Variants in RNF121 observed in about 807,000 individuals in gnomAD.
RNF121 encodes the protein ring finger protein 121, also known as E3 ubiquitin ligase RNF121.
A neutral mutation model predicts 46.5 loss-of-function variants in RNF121; 21 were observed. That is an observed-to-expected ratio of 0.45 (90% CI 0.32 to 0.65). RNF121 has a LOEUF of 0.65. Among genes scored for constraint, RNF121 ranks in the 30% least tolerant of loss-of-function variants. The pLI is 0.04. For missense variants in RNF121, 346 were observed against 416.0 expected (o/e 0.83, Z 1.46); for synonymous variants, 139 against 144.7 (o/e 0.96, Z 0.28).
rs1403228768 is a variant in RNF121 at position 71,957,276 on chromosome 11, A to G, written c.101+12A>G. The G allele has an allele frequency of 4.5e-6, 7 of 1,572,560 alleles. No homozygotes were observed. Among genetic ancestry groups the G allele is most frequent in the Non-Finnish European group, 6.1e-6 (7 of 1,143,214 alleles). Reference sequence around the variant, plus strand: ...GAAGAGCAATGGAGGTAAGTGTGGTAGTTCGGGCCCTGCAGTCTAGGAACT... The same window carrying G: ...GAAGAGCAATGGAGGTAAGTGTGGTGGTTCGGGCCCTGCAGTCTAGGAACT... On this transcript the variant is annotated intron_variant, in intron 2 of 8. Coordinates refer to ENST00000361756, the MANE Select transcript of RNF121 (RefSeq NM_018320.5).
chr11:71,939,977 G>A (rs1953527420), intron 1 of RNF121, among the ~76,000 whole-genome samples: 1 of 152,196 alleles, frequency 6.6e-6, no homozygotes, highest in Admixed American at 6.5e-5. Context: ...TACAGAAGAA[G>A]GAGTGCTTAA....
chr11:71,966,584 C>A (rs533178949), intron 3 of RNF121, among the ~76,000 whole-genome samples: 92 of 151,446 alleles, frequency 6.1e-4, no homozygotes, highest in African/African-American at 2.2e-3. Context: ...TGGGCCCAGG[C>A]AATCCTCCTG....
At chr11:71,965,479 G>A (rs1954254673) in intron 3 of RNF121, among the ~76,000 whole-genome samples, 1 of 151,974 alleles carries the variant, frequency 6.6e-6, no homozygotes, top group South Asian at 2.1e-4. Context: ...CTCCTGGGCT[G>A]AAGTGATCCA....
intron 3 of RNF121, among the ~76,000 whole-genome samples, chr11:71,968,136 A>G (rs1954330112): frequency 6.6e-6 from 1 of 151,724 alleles, no homozygotes; most frequent in Non-Finnish European, 1.5e-5. Flanking sequence ...CTCTCGGCTC[A>G]CTGCAACCTC....
chr11:71,946,145 C>A (rs115131624), intron 1 of RNF121, among the ~76,000 whole-genome samples: 1 of 151,700 alleles, frequency 6.6e-6, no homozygotes, highest in Non-Finnish European at 1.5e-5. Context: ...AAGAAAAATC[C>A]GCACAGAAAC....
intron 1 of RNF121, among the ~76,000 whole-genome samples, chr11:71,948,396 C>A (rs903698523): frequency 6.6e-6 from 1 of 151,214 alleles, no homozygotes; most frequent in Non-Finnish European, 1.5e-5. Flanking sequence ...GCACTTGTAG[C>A]CCCACCTACT....
intron 1 of RNF121, among the ~76,000 whole-genome samples, chr11:71,936,580 G>A (rs958780578): frequency 1.3e-5 from 2 of 151,982 alleles, no homozygotes; most frequent in Admixed American, 6.6e-5. Context: ...ATTTTTAGTA[G>A]AGACGGGGTT....
intron 2 of RNF121, among the ~76,000 whole-genome samples, chr11:71,957,690 A>G (rs950130765): frequency 6.6e-6 from 1 of 152,204 alleles, no homozygotes; most frequent in African/African-American, 2.4e-5. Context: ...GATGATTATC[A>G]TTAACATCAT....
intron 1 of RNF121, among the ~76,000 whole-genome samples, chr11:71,944,905 T>C (rs1953677550): frequency 6.6e-6 from 1 of 152,202 alleles, no homozygotes; most frequent in Non-Finnish European, 1.5e-5. Flanking sequence ...CTGTATGCTG[T>C]GTTAAGTTTG....
intron 4 of RNF121, 123 bp from the exon 5 acceptor site, chr11:71,986,881 C>G: frequency 1.6e-6 from 1 of 640,066 alleles, no homozygotes; most frequent in Non-Finnish European, 2.8e-6. Context: ...TGAAGTTGCT[C>G]AGTAAGTCCT....
chr11:71,979,758 G>A (rs762190743), intron 3 of RNF121, among the ~76,000 whole-genome samples: 3 of 152,168 alleles, frequency 2.0e-5, no homozygotes, highest in Admixed American at 6.5e-5. Flanking sequence ...GGATCTTAGC[G>A]CAGGCTGGTT....
At chr11:71,977,470 C>T (rs981567187) in intron 3 of RNF121, among the ~76,000 whole-genome samples, 10 of 152,278 alleles carry the variant, frequency 6.6e-5, no homozygotes, top group East Asian at 3.9e-4. Context: ...AGAGGCAATC[C>T]GTTTAAATGT....
chr11:71,988,799 G>C (rs116603454), intron 5 of RNF121, among the ~76,000 whole-genome samples: 3,868 of 152,166 alleles, frequency 0.025, 159 homozygotes, highest in African/African-American at 0.089. Context: ...TCCAGCTCAG[G>C]TGACAAAGGG....
Position 71,951,583 on chromosome 11 carries a change from G to A in RNF121, c.64-5644G>A, listed in dbSNP as rs988566525. Among the ~76,000 whole-genome samples the A allele has an allele frequency of 2.0e-5, 3 of 150,368 alleles. No homozygotes were observed. The East Asian group carries it at 5.9e-4, about 29-fold the overall frequency. On this transcript the variant is annotated intron_variant, in intron 1 of 8. Transcript: ENST00000361756. ...TGAGGCTCTAATGTACAATGATCAT[G>A]CCTGTGAATAGCCACTGTACTCCAG...
chr11:71,977,785 C>T (rs1448221751), intron 3 of RNF121, among the ~76,000 whole-genome samples: 1 of 152,174 alleles, frequency 6.6e-6, no homozygotes, highest in Non-Finnish European at 1.5e-5. Context: ...TTCCCATGTC[C>T]GTACTTGATG....
chr11:71,983,836 A>G (rs1453762451), intron 4 of RNF121: 2 of 152,298 alleles, frequency 1.3e-5, no homozygotes, highest in African/African-American at 4.8e-5. Flanking sequence ...CAAAGCTGTG[A>G]CCACCTGATC....
chr11:71,929,323 C>G (rs1010281149), intron 1 of RNF121, among the ~76,000 whole-genome samples, 199 bp downstream of exon 1: 26 of 150,398 alleles, frequency 1.7e-4, no homozygotes, highest in African/African-American at 5.6e-4. Flanking sequence ...GAGTAGAAGA[C>G]TTGCATTAGC....
intron 4 of RNF121, among the ~76,000 whole-genome samples, chr11:71,985,749 A>G (rs1210812796): frequency 6.6e-6 from 1 of 152,176 alleles, no homozygotes; most frequent in Non-Finnish European, 1.5e-5. Flanking sequence ...CCCATCACAG[A>G]TAGAATAGTG....
chr11:71,972,790 C>T (rs1245622174), intron 3 of RNF121, among the ~76,000 whole-genome samples: 3 of 152,042 alleles, frequency 2.0e-5, no homozygotes, highest in Admixed American at 6.5e-5. Flanking sequence ...ATGGATATTG[C>T]AAGCTATGAG....
Sources: allele counts gnomAD v4.1 joint callset (sites outside exome capture counted in the v4.1 genomes callset), GRCh38; gene constraint gnomAD v4.1.1; transcripts MANE v1.5; gene names NCBI Gene and HGNC (gene_info 2026-07-23, HGNC 2026-07-21).